The following FNBP4 variants were observed in gnomAD, a reference collection of about 807,000 sequenced individuals.
FNBP4 encodes the protein formin-binding protein 4.
A neutral mutation model predicts 119.3 loss-of-function variants in FNBP4; 34 were observed. The observed-to-expected ratio is 0.28, with a 90% confidence interval of 0.22 to 0.38. The LOEUF is 0.38. Among genes scored for constraint, FNBP4 ranks in the 10% least tolerant of loss-of-function variants. The pLI, the probability that FNBP4 is intolerant of heterozygous loss-of-function variation, is 1.00. For synonymous variants in FNBP4, 462 were observed against 430.6 expected (o/e 1.07, Z -0.90); for missense variants, 1,112 against 1,228.9 (o/e 0.90, Z 1.42).
intron 16 of FNBP4, among the ~76,000 whole-genome samples, chr11:47,718,214 G>GC (rs1554974438): frequency 1.3e-5 from 2 of 150,074 alleles, no homozygotes; most frequent in Non-Finnish European, 3.0e-5. Flanking sequence ...GGGATCTAAT[G>GC]TTTTTTTTTC....
intron 9 of FNBP4, among the ~76,000 whole-genome samples, chr11:47,736,253 G>GAA (rs11439747): frequency 0.2 from 28,860 of 143,614 alleles, 3,264 homozygotes; most frequent in East Asian, 0.29. Context: ...GAAAAAAAAA[G>GAA]AAAAAAAAAA....
intron 12 of FNBP4, chr11:47,726,825 A>G (rs1428495519): frequency 2.0e-5 from 3 of 152,236 alleles, no homozygotes; most frequent in Non-Finnish European, 2.9e-5. Context: ...ACTCCCTTCT[A>G]TTAAACTAAT....
At chr11:47,727,265 T>C (rs2097562131) in intron 12 of FNBP4, among the ~76,000 whole-genome samples, 1 of 151,588 alleles carries the variant, frequency 6.6e-6, no homozygotes. Context: ...TTTTTTTTTT[T>C]TTGTGACGGA....
At chr11:47,730,084 G>T in intron 12 of FNBP4, 4 of 985,400 alleles carry the variant, frequency 4.1e-6, no homozygotes, top group Non-Finnish European at 4.8e-6. Flanking sequence ...TTCAGAATTG[G>T]TAACAGTGGA....
At chr11:47,735,345 C>T (rs1311207218) in intron 9 of FNBP4, among the ~76,000 whole-genome samples, 2 of 152,156 alleles carry the variant, frequency 1.3e-5, no homozygotes, top group Non-Finnish European at 2.9e-5. Flanking sequence ...TTATTCCAGT[C>T]CCTTCTACTT....
Position 47,731,357 on chromosome 11 carries a change from A to C in FNBP4, c.2008+17T>G. The C allele has an allele frequency of 6.3e-7, 1 of 1,588,224 alleles. No homozygotes were observed. The highest frequency in any genetic ancestry group is 1.2e-5 in the South Asian group (1 of 86,282). On this transcript the variant is annotated intron_variant, in intron 12 of 16. Transcript: ENST00000263773. ...AAAGTCATTTTGGCTGAATTAGTAC[A>C]AGGTAAATTGTCTCACCTGTGGAAG...
At position 47,732,729 on chromosome 11, in the gene FNBP4, A is replaced by G; in HGVS notation, c.1687-59T>C. On this transcript the variant is annotated intron_variant, in intron 10 of 16. Coordinates refer to ENST00000263773, the MANE Select transcript of FNBP4 (RefSeq NM_015308.5). This position sits in a 1 kb window ranked among gnomAD's most constrained non-coding sequence, Gnocchi z 4.2. Reference sequence around the variant, plus strand: ...TTATTACATGTCAGGAGACACAGGCAAAGGGGATATAAACCTTCTGCTCCA... The same window carrying G: ...TTATTACATGTCAGGAGACACAGGCGAAGGGGATATAAACCTTCTGCTCCA... 1.3e-6 allele frequency: 2 copies of G among 1,527,296 alleles called. No homozygotes were observed. The highest frequency in any genetic ancestry group is 1.8e-6 in the Non-Finnish European group (2 of 1,102,650). 94.6% of individuals were successfully genotyped at this position (1,527,296 alleles called of 1,614,324 possible). A position where few individuals can be genotyped will look rare whatever the true frequency, so the allele number is the denominator to read the frequency against.
At chr11:47,759,271 G>C (rs1278274119) in intron 2 of FNBP4, among the ~76,000 whole-genome samples, 1 of 150,564 alleles carries the variant, frequency 6.6e-6, no homozygotes, top group Non-Finnish European at 1.5e-5. Context: ...GAGTGCAATG[G>C]TGCAGTCTTG....
intron 12 of FNBP4, chr11:47,725,067 T>C: frequency 3.9e-6 from 1 of 255,156 alleles, no homozygotes; most frequent in East Asian, 7.4e-5. Flanking sequence ...CTTCCCCATC[T>C]GTATTATACT....
chr11:47,744,759 A>T (rs1343567985), intron 7 of FNBP4, among the ~76,000 whole-genome samples: 1 of 152,204 alleles, frequency 6.6e-6, no homozygotes, highest in Non-Finnish European at 1.5e-5. Context: ...CTTTAAAGTT[A>T]TTTTATAATA....
intron 6 of FNBP4, among the ~76,000 whole-genome samples, chr11:47,748,587 C>T (rs2097595540): frequency 6.6e-6 from 1 of 151,812 alleles, no homozygotes; most frequent in African/African-American, 2.4e-5. Context: ...GTTTTCCAGG[C>T]TGGTTTAGAA....
chr11:47,738,236 C>G (rs1239995524), intron 8 of FNBP4, among the ~76,000 whole-genome samples: 3 of 152,162 alleles, frequency 2.0e-5, no homozygotes, highest in Non-Finnish European at 4.4e-5. Context: ...CCTGCATACT[C>G]AAACTAATTC....
intron 6 of FNBP4, 57 bp from the exon 7 acceptor site, chr11:47,746,451 C>A: frequency 7.3e-7 from 1 of 1,373,936 alleles, no homozygotes. Flanking sequence ...CTCACCTGCA[C>A]ATACATTCAA....
intron 8 of FNBP4, among the ~76,000 whole-genome samples, chr11:47,737,455 T>G (rs932398809): frequency 6.6e-6 from 1 of 152,252 alleles, no homozygotes; most frequent in African/African-American, 2.4e-5. Flanking sequence ...TTATTATTTT[T>G]TAGAGACAGG....
At chr11:47,756,654 T>A (rs1018585355) in intron 2 of FNBP4, among the ~76,000 whole-genome samples, 3 of 152,142 alleles carry the variant, frequency 2.0e-5, no homozygotes, top group Non-Finnish European at 4.4e-5. Flanking sequence ...CATTAACTCA[T>A]CATTAACATT....
chr11:47,754,497 A>T (rs1346270328), intron 3 of FNBP4, 31 bp downstream of exon 3: 2 of 1,606,908 alleles, frequency 1.2e-6, no homozygotes, highest in South Asian at 2.2e-5. Flanking sequence ...TAGCTTCAGT[A>T]ACTAAAACTC....
chr11:47,758,242 G>A (rs764900329), intron 2 of FNBP4, among the ~76,000 whole-genome samples: 3 of 152,056 alleles, frequency 2.0e-5, no homozygotes, highest in East Asian at 1.9e-4. Context: ...GCACCACTGC[G>A]CCTGGCTAAC....
chr11:47,765,218 C>G, intron 2 of FNBP4, 52 bp downstream of exon 2: 1 of 1,253,836 alleles, frequency 8.0e-7, no homozygotes, highest in Non-Finnish European at 1.2e-6. Context: ...CCCAACTTGA[C>G]TTTAATGAAA....
chr11:47,751,693 C>T (rs534284952), intron 4 of FNBP4, among the ~76,000 whole-genome samples: 1 of 152,252 alleles, frequency 6.6e-6, no homozygotes, highest in South Asian at 2.1e-4. Flanking sequence ...TGGCTCATGC[C>T]TGTAATCCCA....
Sources: gnomAD v4.1 joint callset for allele counts (sites outside exome capture counted in the v4.1 genomes callset) on GRCh38, gnomAD v4.1.1 for gene constraint, Gnocchi (gnomAD v3.1) non-coding constraint, MANE v1.5 for transcripts, NCBI Gene and HGNC (gene_info 2026-07-23, HGNC 2026-07-21) for gene names.